The following PIP4K2A variants were observed in gnomAD, a reference collection of about 807,000 sequenced individuals.
The protein encoded by PIP4K2A is phosphatidylinositol 5-phosphate 4-kinase type-2 alpha.
Under a neutral mutation model 42.9 loss-of-function variants are expected in PIP4K2A, and 14 were observed. That is an observed-to-expected ratio of 0.33 (90% confidence interval 0.22 to 0.51). The LOEUF is 0.51. Among genes scored for constraint, PIP4K2A ranks in the 20% least tolerant of loss-of-function variants. The pLI is 0.97. For missense variants in PIP4K2A, 434 were observed against 519.8 expected (o/e 0.83, Z 1.61); for synonymous variants, 192 against 192.2 (o/e 1.00, Z 0.01).
chr10:22,621,036 TA>T (rs1838317831), intron 1 of PIP4K2A, among the ~76,000 whole-genome samples: 1 of 152,224 alleles, frequency 6.6e-6, no homozygotes, highest in African/African-American at 2.4e-5. Flanking sequence ...GAAGAGATGC[TA>T]AATGAAGCTA....
intron 4 of PIP4K2A, among the ~76,000 whole-genome samples, chr10:22,587,954 T>G (rs999992076): frequency 3.3e-5 from 5 of 152,254 alleles, no homozygotes; most frequent in African/African-American, 7.2e-5. Context: ...CTAGCAGGGG[T>G]CACCCCGAAT....
At chr10:22,693,959 T>C (rs758931932) in intron 1 of PIP4K2A, 1 of 152,142 alleles carries the variant, frequency 6.6e-6, no homozygotes, top group Non-Finnish European at 1.5e-5. Flanking sequence ...TATCTGAGTA[T>C]GCGGAGCCCT....
chr10:22,606,556 A>AT lies in PIP4K2A; in HGVS notation c.339+1370dup, dbSNP rs370665336. 3.3e-3 allele frequency among the ~76,000 whole-genome samples: 505 copies of AT among 152,314 alleles called. 4 individuals are homozygous for AT. The highest frequency in any genetic ancestry group is 0.012 in the African/African-American group (490 of 41,558). Reference sequence around the variant, plus strand: ...CAGCCTCTCTCATGCCTGAGTAAACATATGAAAAATTCCTGGAAATTTTTG... The same window carrying AT: ...CAGCCTCTCTCATGCCTGAGTAAACATTATGAAAAATTCCTGGAAATTTTTG... On this transcript the variant is annotated intron_variant, in intron 3 of 9. Coordinates refer to ENST00000376573, the MANE Select transcript of PIP4K2A (RefSeq NM_005028.5).
chr10:22,542,550 C>G (rs1836149301), intron 7 of PIP4K2A, among the ~76,000 whole-genome samples: 1 of 152,194 alleles, frequency 6.6e-6, no homozygotes, highest in African/African-American at 2.4e-5. Context: ...GGCACTGTGT[C>G]CACATCTGGT....
intron 1 of PIP4K2A, among the ~76,000 whole-genome samples, chr10:22,699,205 T>C (rs946836571): frequency 6.6e-6 from 1 of 152,226 alleles, no homozygotes; most frequent in Non-Finnish European, 1.5e-5. Flanking sequence ...CCAACAGTTC[T>C]TCTGATGCCA....
intron 4 of PIP4K2A, among the ~76,000 whole-genome samples, chr10:22,587,933 C>T (rs902565035): frequency 2.0e-5 from 3 of 152,300 alleles, no homozygotes; most frequent in African/African-American, 7.2e-5. Context: ...CCAGACCTGC[C>T]CTCAGTGAGC....
intron 8 of PIP4K2A, among the ~76,000 whole-genome samples, chr10:22,541,422 A>G (rs1323798301): frequency 6.6e-6 from 1 of 152,238 alleles, no homozygotes; most frequent in Admixed American, 6.5e-5. Context: ...AAAACGTATT[A>G]ATATTTTAAA....
At position 22,573,441 on chromosome 10, in the gene PIP4K2A, T is replaced by C. The variant is rs1342504590; in HGVS notation, c.509A>G (p.His170Arg). The C allele has an allele frequency of 1.2e-6, 2 of 1,613,856 alleles. No individual in the cohort carries two copies. The highest frequency in any genetic ancestry group is 1.7e-6 in the Non-Finnish European group (2 of 1,179,872). Residue 170 changes from histidine to arginine, a missense_variant, in exon 5 of 10, where the codon CAT (histidine) becomes CGT (arginine). By Grantham distance (29) the His-to-Arg change is conservative (BLOSUM62 0). This residue lies in a region of PIP4K2A where 395 missense variants were observed against 444.5 expected (regional missense o/e 0.89). Coordinates refer to ENST00000376573, the MANE Select transcript of PIP4K2A (RefSeq NM_005028.5). ...GAACTGGGGAAGAAGGGTGATCCCATGACATTCCACTATGTACTGCATAGG... is the reference window on the plus strand; with the variant it reads ...GAACTGGGGAAGAAGGGTGATCCCACGACATTCCACTATGTACTGCATAGG... ...KKYHQYIVEC[H>R]GITLLPQFLG...
intron 1 of PIP4K2A, among the ~76,000 whole-genome samples, chr10:22,684,499 A>G (rs912021855): frequency 5.3e-5 from 8 of 152,190 alleles, no homozygotes; most frequent in African/African-American, 1.9e-4. Flanking sequence ...TCTTATACAT[A>G]TATGTTCATA....
chr10:22,608,664 G>C (rs1837962815), intron 2 of PIP4K2A, among the ~76,000 whole-genome samples: 1 of 152,142 alleles, frequency 6.6e-6, no homozygotes, highest in Non-Finnish European at 1.5e-5. Flanking sequence ...TTGAGGCCAG[G>C]AGTTTGAGGC....
At chr10:22,678,950 C>G (rs1839612256) in intron 1 of PIP4K2A, among the ~76,000 whole-genome samples, 1 of 152,096 alleles carries the variant, frequency 6.6e-6, no homozygotes, top group African/African-American at 2.4e-5. Flanking sequence ...AAAAATACAG[C>G]AGAATGAGCT....
At chr10:22,601,988 T>C (rs747210902) in intron 3 of PIP4K2A, among the ~76,000 whole-genome samples, 7 of 152,200 alleles carry the variant, frequency 4.6e-5, no homozygotes, top group Non-Finnish European at 1.0e-4. Flanking sequence ...AGCTGCTCCG[T>C]GCTTTACATG....
At chr10:22,565,689 A>G (rs1229732410) in intron 6 of PIP4K2A, among the ~76,000 whole-genome samples, 4 of 152,242 alleles carry the variant, frequency 2.6e-5, no homozygotes, top group African/African-American at 9.6e-5. Flanking sequence ...AGATAACCTT[A>G]AACTCTGACC....
intron 1 of PIP4K2A, among the ~76,000 whole-genome samples, chr10:22,667,562 A>G (rs1264007478): frequency 6.6e-6 from 1 of 152,182 alleles, no homozygotes; most frequent in Non-Finnish European, 1.5e-5. Flanking sequence ...CAAATTTAGC[A>G]CCTAACAAAT....
chr10:22,615,973 C>G (rs1166913078), intron 1 of PIP4K2A, among the ~76,000 whole-genome samples: 1 of 152,124 alleles, frequency 6.6e-6, no homozygotes, highest in Non-Finnish European at 1.5e-5. Context: ...CTGTTTATGC[C>G]GTGCCAGTCA....
chr10:22,638,769 T>C (rs984637843), intron 1 of PIP4K2A, among the ~76,000 whole-genome samples: 2 of 152,206 alleles, frequency 1.3e-5, no homozygotes, highest in Non-Finnish European at 2.9e-5. Flanking sequence ...ACCTTGAAGT[T>C]CAGTGAAGGA....
chr10:22,671,572 C>A (rs147466059), intron 1 of PIP4K2A, among the ~76,000 whole-genome samples: 1,891 of 152,010 alleles, frequency 0.012, 41 homozygotes, highest in African/African-American at 0.042. Context: ...CGAGGCTGTG[C>A]GAGTCATTAG....
chr10:22,650,415 C>A (rs1838970472), intron 1 of PIP4K2A, among the ~76,000 whole-genome samples: 1 of 152,132 alleles, frequency 6.6e-6, no homozygotes, highest in African/African-American at 2.4e-5. Context: ...GACACTACAC[C>A]CAGCTAATTT....
intron 1 of PIP4K2A, among the ~76,000 whole-genome samples, chr10:22,625,835 C>G (rs983169297): frequency 2.0e-5 from 3 of 152,158 alleles, no homozygotes; most frequent in Non-Finnish European, 2.9e-5. Context: ...GTTTTCGCAA[C>G]ACTGAAATAA....
Sources: gnomAD v4.1 joint callset for allele counts (sites outside exome capture counted in the v4.1 genomes callset) on GRCh38, gnomAD v4.1.1 for gene constraint, gnomAD v4.1.1 regional missense constraint, MANE v1.5 for transcripts, NCBI Gene and HGNC (gene_info 2026-07-23, HGNC 2026-07-21) for gene names.